Variants in DAB1 observed in about 807,000 individuals in gnomAD.
DAB1 encodes the protein disabled homolog 1.
DAB1 carries 15 observed loss-of-function variants against 64.6 expected under a neutral mutation model. The observed-to-expected ratio is 0.23, with a 90% CI of 0.16 to 0.36. The LOEUF (loss-of-function observed/expected upper bound fraction) is 0.36, where lower values mean the gene tolerates loss of function less well. Ranked by LOEUF, DAB1 falls within the 10% of genes least tolerant of loss-of-function variation. DAB1 has a pLI of 1.00. For synonymous variants in DAB1, 235 were observed against 251.9 expected, an observed-to-expected ratio of 0.93 and a Z score of 0.64; for missense variants, 596 against 706.7, an observed-to-expected ratio of 0.84 and a Z score of 1.78.
chr1:57,916,812 G>A (rs976896458), intron 5 of DAB1, among the ~76,000 whole-genome samples: 1 of 151,978 alleles, frequency 6.6e-6, no homozygotes, highest in Non-Finnish European at 1.5e-5. Context: ...GCATGGTCAC[G>A]CACGCCTGTA....
chr1:57,979,134 T>C (rs1193504884), intron 5 of DAB1, among the ~76,000 whole-genome samples: 1 of 152,190 alleles, frequency 6.6e-6, no homozygotes, highest in Admixed American at 6.5e-5. Context: ...TGCAGTACTA[T>C]TTACAATAGC....
rs188576541 is a variant in DAB1 at position 57,048,470 on chromosome 1, C to T, written c.723+14414G>A. On this transcript the variant is annotated intron_variant, in intron 9 of 14. Coordinates refer to ENST00000371236, the MANE Select transcript of DAB1 (RefSeq NM_001365792.1). The stretch of plus-strand genomic sequence containing the variant: ...TGTAGTTTTACAGCCTCCCAGAGAG[C>T]GGTCTTCCAATCTCTGTTCATGAAT... 4.9e-3 allele frequency among the ~76,000 whole-genome samples: 751 copies of T among 152,300 alleles called. 4 individuals carry two copies. The highest frequency in any genetic ancestry group is 0.017 in the African/African-American group (717 of 41,564).
Position 58,358,825 on chromosome 1 carries a change from TTCTG to T in DAB1, n.258-15426_258-15423del, listed in dbSNP as rs1310076419. 3.9e-5 allele frequency among the ~76,000 whole-genome samples: 6 copies of T among 151,970 alleles called. No individual in the cohort carries two copies. The South Asian group carries it at 6.3e-4, about 16-fold the overall frequency. ...GTCTCCTTTTCTTTCTTCTCTCTCT[TTCTG>T]TCTTTCTCTCTCACTCCTTCTCTCT... On this transcript the variant is annotated intron_variant and non_coding_transcript_variant, in intron 3 of 20. Coordinates refer to the DAB1 transcript ENST00000485760.
chr1:57,330,701 C>T lies in DAB1; in HGVS notation c.-136-39535G>A, dbSNP rs185797344. Among the ~76,000 whole-genome samples, 318 of 152,164 alleles carry T rather than the reference C, an allele frequency of 2.1e-3. 2 individuals carry two copies. In the Middle Eastern group the frequency reaches 0.027, roughly 13 times the overall value. ...TGTATGTCACTCCTCATTGTGTCCC[C>T]GGTGCCCCACGCAGTGCCTGGCATA... On this transcript the variant is annotated intron_variant, in intron 1 of 14. Transcript: ENST00000371236.
chr1:57,423,046 G>C (rs1011038344), intron 1 of DAB1, among the ~76,000 whole-genome samples: 4 of 151,332 alleles, frequency 2.6e-5, no homozygotes, highest in Non-Finnish European at 5.9e-5. Flanking sequence ...GCCGCGACAC[G>C]ACCTCCCCCC....
At chr1:57,561,015 T>A (rs539387210) in intron 7 of DAB1, among the ~76,000 whole-genome samples, 1 of 152,304 alleles carries the variant, frequency 6.6e-6, no homozygotes, top group African/African-American at 2.4e-5. Context: ...CACAGCAGCA[T>A]TCCATCATCA....
chr1:57,025,308 G>C (rs996369643), intron 10 of DAB1, among the ~76,000 whole-genome samples: 1 of 152,174 alleles, frequency 6.6e-6, no homozygotes, highest in African/African-American at 2.4e-5. Flanking sequence ...TTCAAATTAG[G>C]TTCTCCCTGC....
chr1:58,144,507 A>G (rs1228962088), intron 5 of DAB1, among the ~76,000 whole-genome samples: 1 of 152,260 alleles, frequency 6.6e-6, no homozygotes, highest in Non-Finnish European at 1.5e-5. Context: ...TTCACCAGGC[A>G]TTGTGCCAAG....
intron 7 of DAB1, among the ~76,000 whole-genome samples, chr1:57,545,496 C>A (rs545185091): frequency 6.6e-6 from 1 of 152,288 alleles, no homozygotes; most frequent in South Asian, 2.1e-4. Context: ...TTCCCTCAGT[C>A]CTGGACAAAC....
chr1:58,331,395 A>G (rs1662964388), intron 4 of DAB1, among the ~76,000 whole-genome samples: 1 of 152,252 alleles, frequency 6.6e-6, no homozygotes, highest in Non-Finnish European at 1.5e-5. Flanking sequence ...AAGCACTTAG[A>G]GTAGTACACA....
intron 9 of DAB1, among the ~76,000 whole-genome samples, chr1:57,044,403 C>A (rs2100494595): frequency 6.6e-6 from 1 of 152,272 alleles, no homozygotes; most frequent in East Asian, 1.9e-4. Flanking sequence ...GAGACTGGTT[C>A]TAGGAGGCAT....
chr1:57,566,382 A>G (rs1477726451), intron 7 of DAB1, among the ~76,000 whole-genome samples: 1 of 152,216 alleles, frequency 6.6e-6, no homozygotes, highest in East Asian at 1.9e-4. Flanking sequence ...AAGCAAGAGC[A>G]AACACATTCA....
chr1:58,202,015 C>T (rs1051204103), intron 4 of DAB1, among the ~76,000 whole-genome samples: 8 of 152,240 alleles, frequency 5.3e-5, no homozygotes, highest in Middle Eastern at 3.4e-3. Context: ...CCCCAATTTA[C>T]ACAACGGTGA....
At chr1:58,482,314 C>T (rs763306261) in intron 3 of DAB1, among the ~76,000 whole-genome samples, 4 of 152,080 alleles carry the variant, frequency 2.6e-5, no homozygotes, top group Non-Finnish European at 5.9e-5. Flanking sequence ...ATGGGAAATA[C>T]TAAAAGAATC....
intron 1 of DAB1, among the ~76,000 whole-genome samples, chr1:58,535,214 T>C (rs1030778369): frequency 1.3e-5 from 2 of 152,340 alleles, no homozygotes; most frequent in Admixed American, 6.5e-5. Context: ...TCTGAAGTTA[T>C]ATTCATGAGA....
intron 7 of DAB1, among the ~76,000 whole-genome samples, chr1:57,615,784 CTTT>C (rs1363327840): frequency 2.2e-4 from 34 of 152,190 alleles, no homozygotes; most frequent in Non-Finnish European, 3.5e-4. Flanking sequence ...AATTAGCAAG[CTTT>C]ACCAACTGAA....
chr1:57,382,501 G>A (rs1052672134), intron 1 of DAB1, among the ~76,000 whole-genome samples: 3 of 152,106 alleles, frequency 2.0e-5, no homozygotes, highest in African/African-American at 7.2e-5. Flanking sequence ...CACTGCTATA[G>A]AAGTCCAATA....
intron 4 of DAB1, among the ~76,000 whole-genome samples, chr1:58,161,391 G>C (rs951207601): frequency 4.6e-5 from 7 of 152,132 alleles, no homozygotes; most frequent in Non-Finnish European, 8.8e-5. Flanking sequence ...AAGAAGAAAA[G>C]AGCTTGGGCT....
chr1:57,644,215 AG>A (rs1365600496), intron 7 of DAB1, among the ~76,000 whole-genome samples: 8 of 152,162 alleles, frequency 5.3e-5, no homozygotes, highest in Non-Finnish European at 1.0e-4. Flanking sequence ...GAAGTTCAAA[AG>A]AGGCGAGAAA....
Sources: allele counts gnomAD v4.1 joint callset (sites outside exome capture counted in the v4.1 genomes callset), GRCh38; gene constraint gnomAD v4.1.1; transcripts MANE v1.5; gene names NCBI Gene and HGNC (gene_info 2026-07-23, HGNC 2026-07-21).